TTC28: variants seen among roughly 807,000 people sequenced by gnomAD.
TTC28 encodes the protein tetratricopeptide repeat domain 28, also known as tetratricopeptide repeat protein 28.
Under a neutral mutation model 198.0 loss-of-function variants are expected in TTC28, and 61 were observed. That is an observed-to-expected ratio of 0.31 (90% CI 0.25 to 0.38). TTC28 has a LOEUF of 0.38. Ranked by LOEUF, TTC28 falls within the 10% of genes least tolerant of loss-of-function variation. TTC28 has a pLI of 1.00. For synonymous variants in TTC28, 1,171 were observed against 1,297.8 expected, an observed-to-expected ratio of 0.90 and a Z score of 2.10; for missense variants, 2,678 against 3,164.0, an observed-to-expected ratio of 0.85 and a Z score of 3.69.
chr22:28,613,982 T>C (rs1031571396), intron 2 of TTC28, among the ~76,000 whole-genome samples: 8 of 152,142 alleles, frequency 5.3e-5, no homozygotes, highest in African/African-American at 1.4e-4. Context: ...AGCATTCAAA[T>C]AGGAAAAGAG....
intron 2 of TTC28, among the ~76,000 whole-genome samples, chr22:28,539,437 C>T (rs1250425721): frequency 2.0e-5 from 3 of 152,024 alleles, no homozygotes; most frequent in African/African-American, 7.2e-5. Context: ...GGGTTCCAGA[C>T]CAGCCTGAGC....
intron 6 of TTC28, among the ~76,000 whole-genome samples, chr22:28,117,670 G>A (rs942918251): frequency 6.6e-6 from 1 of 152,192 alleles, no homozygotes; most frequent in African/African-American, 2.4e-5. Flanking sequence ...GCACACTGAA[G>A]TCTACTACAA....
chr22:28,087,536 C>G (rs1295554441), intron 12 of TTC28, among the ~76,000 whole-genome samples: 2 of 152,122 alleles, frequency 1.3e-5, no homozygotes, highest in Non-Finnish European at 2.9e-5. Context: ...CTATTTATGA[C>G]AAACCCACAG....
intron 5 of TTC28, among the ~76,000 whole-genome samples, chr22:28,202,617 A>G (rs1188900085): frequency 1.3e-5 from 2 of 152,118 alleles, no homozygotes; most frequent in African/African-American, 4.8e-5. Flanking sequence ...ATAAAGCTAT[A>G]AAGATGTCAA....
chr22:28,392,870 CTTTTTT>C (rs1245558034), intron 2 of TTC28, among the ~76,000 whole-genome samples: 9 of 80,678 alleles, frequency 1.1e-4, no homozygotes, highest in African/African-American at 4.5e-4. Context: ...TTCCTCCCTC[CTTTTTT>C]TTTTTTTTTT....
chr22:28,038,317 A>G (rs1027999943), intron 12 of TTC28, among the ~76,000 whole-genome samples: 17 of 152,230 alleles, frequency 1.1e-4, no homozygotes, highest in African/African-American at 4.1e-4. Flanking sequence ...GTACCAAAAC[A>G]GAGATATAGA....
At chr22:28,386,151 T>C (rs2046581729) in intron 2 of TTC28, among the ~76,000 whole-genome samples, 1 of 149,244 alleles carries the variant, frequency 6.7e-6, no homozygotes, top group South Asian at 2.2e-4. Flanking sequence ...GGCGGGCGCC[T>C]GTAGTCCTAG....
chr22:28,536,500 T>G (rs564326294), intron 2 of TTC28, among the ~76,000 whole-genome samples: 1 of 151,634 alleles, frequency 6.6e-6, no homozygotes, highest in South Asian at 2.1e-4. Context: ...GGCAGGCGCC[T>G]GTAGTCCCGG....
At chr22:28,264,508 T>C (rs1931546604) in intron 5 of TTC28, among the ~76,000 whole-genome samples, 1 of 152,120 alleles carries the variant, frequency 6.6e-6, no homozygotes, top group Non-Finnish European at 1.5e-5. Context: ...ATGATGAGGG[T>C]GTCCATTACA....
At chr22:28,535,131 G>A (rs916170125) in intron 2 of TTC28, among the ~76,000 whole-genome samples, 1 of 151,886 alleles carries the variant, frequency 6.6e-6, no homozygotes, top group Non-Finnish European at 1.5e-5. Context: ...AAAATCTGTT[G>A]CCAAGTATAT....
At chr22:28,606,108 A>G (rs1045387740) in intron 2 of TTC28, among the ~76,000 whole-genome samples, 1 of 147,076 alleles carries the variant, frequency 6.8e-6, no homozygotes, top group African/African-American at 2.5e-5. Context: ...TTTTGAGACG[A>G]TATCTCTCCC....
intron 13 of TTC28, among the ~76,000 whole-genome samples, chr22:28,019,796 C>T (rs867921004): frequency 1.2e-4 from 19 of 152,354 alleles, no homozygotes; most frequent in Middle Eastern, 3.4e-3. Flanking sequence ...GAGAACAGTG[C>T]TTTTCGCTTG....
At chr22:28,422,270 G>C (rs1163677471) in intron 2 of TTC28, among the ~76,000 whole-genome samples, 5 of 152,112 alleles carry the variant, frequency 3.3e-5, no homozygotes, top group Non-Finnish European at 5.9e-5. Context: ...TTGACAAGGA[G>C]TAAGGGATTC....
chr22:28,549,315 C>G (rs1424054208), intron 2 of TTC28, among the ~76,000 whole-genome samples: 3 of 152,162 alleles, frequency 2.0e-5, no homozygotes, highest in Non-Finnish European at 4.4e-5. Flanking sequence ...AGGTGTGAGC[C>G]ACCATGCCTG....
intron 2 of TTC28, among the ~76,000 whole-genome samples, chr22:28,468,690 A>ATTTTTAATT (rs2048058723): frequency 8.2e-6 from 1 of 122,310 alleles, no homozygotes; most frequent in Non-Finnish European, 1.7e-5. Context: ...CGCCCGGCTA[A>ATTTTTAATT]TTTTTTTTTT....
At chr22:28,134,947 A>C (rs1347053375) in intron 6 of TTC28, among the ~76,000 whole-genome samples, 4 of 152,166 alleles carry the variant, frequency 2.6e-5, no homozygotes, top group Admixed American at 1.3e-4. Context: ...TATAATGTTT[A>C]CTTTAAAATC....
At chr22:28,296,420 C>T in intron 4 of TTC28, 92 bp from the exon 5 acceptor site, 1 of 1,106,882 alleles carries the variant, frequency 9.0e-7, no homozygotes, top group Non-Finnish European at 1.2e-6. Context: ...TTAAGAGCCA[C>T]AGATTTATTA....
intron 5 of TTC28, among the ~76,000 whole-genome samples, chr22:28,257,263 A>G (rs1930994089): frequency 6.6e-6 from 1 of 152,188 alleles, no homozygotes; most frequent in East Asian, 1.9e-4. Context: ...TATATCCAAA[A>G]GAAAGGAAAT....
chr22:28,589,588 G>T (rs1052756855), intron 2 of TTC28, among the ~76,000 whole-genome samples: 1 of 152,140 alleles, frequency 6.6e-6, no homozygotes, highest in African/African-American at 2.4e-5. Flanking sequence ...CTGGTTTTGA[G>T]GGTTGCCTGG....
Sources: allele counts gnomAD v4.1 joint callset (sites outside exome capture counted in the v4.1 genomes callset), GRCh38; gene constraint gnomAD v4.1.1; transcripts MANE v1.5; gene names NCBI Gene and HGNC (gene_info 2026-07-23, HGNC 2026-07-21).